The following TRPC6 variants were observed in gnomAD, a reference collection of about 807,000 sequenced individuals.
The protein encoded by TRPC6 is short transient receptor potential channel 6.
TRPC6 carries 55 observed loss-of-function variants against 90.7 expected under a neutral mutation model. The observed-to-expected ratio is 0.61, with a 90% CI of 0.49 to 0.76. TRPC6 has a LOEUF of 0.76. Ranked by LOEUF, TRPC6 falls within the 30% of genes least tolerant of loss-of-function variation. The pLI, the probability that TRPC6 is intolerant of heterozygous loss-of-function variation, is 0.00. For missense variants in TRPC6, 989 were observed against 1,122.7 expected (o/e 0.88, Z 1.70); for synonymous variants, 393 against 393.0 (o/e 1.00, Z 0.00).
intron 2 of TRPC6, among the ~76,000 whole-genome samples, chr11:101,496,169 C>A (rs1186998479): frequency 1.3e-5 from 2 of 152,116 alleles, no homozygotes; most frequent in African/African-American, 4.8e-5. Context: ...AGCATGAGAA[C>A]AGCAAGAGGA....
chr11:101,537,949 C>A (rs1861090538), intron 1 of TRPC6, among the ~76,000 whole-genome samples: 1 of 152,108 alleles, frequency 6.6e-6, no homozygotes, highest in Admixed American at 6.5e-5. Flanking sequence ...TAAGCGTATA[C>A]ATATTTTTAG....
At chr11:101,490,277 T>C (rs1236787493) in intron 3 of TRPC6, among the ~76,000 whole-genome samples, 1 of 152,226 alleles carries the variant, frequency 6.6e-6, no homozygotes, top group Non-Finnish European at 1.5e-5. Flanking sequence ...ATTTATTGAC[T>C]GTTATATAAA....
chr11:101,496,288 A>T (rs1302849243), intron 2 of TRPC6, among the ~76,000 whole-genome samples: 2 of 152,152 alleles, frequency 1.3e-5, no homozygotes, highest in Non-Finnish European at 2.9e-5. Context: ...AAAGTGTATT[A>T]TACTATGATA....
At chr11:101,497,000 T>C (rs1859965010) in intron 2 of TRPC6, among the ~76,000 whole-genome samples, 2 of 152,216 alleles carry the variant, frequency 1.3e-5, no homozygotes, top group African/African-American at 2.4e-5. Context: ...CTTTGAATCC[T>C]CCCAACCTAG....
intron 9 of TRPC6, among the ~76,000 whole-genome samples, chr11:101,469,992 T>C (rs1250025556): frequency 6.6e-6 from 1 of 152,192 alleles, no homozygotes; most frequent in Non-Finnish European, 1.5e-5. Flanking sequence ...GCACCCTAAA[T>C]AGTAAATGGG....
intron 1 of TRPC6, among the ~76,000 whole-genome samples, chr11:101,514,829 CTG>C (rs1331360900): frequency 6.6e-6 from 1 of 152,152 alleles, no homozygotes; most frequent in Non-Finnish European, 1.5e-5. Context: ...TTGAGAATAA[CTG>C]TGGACAAATT....
chr11:101,509,136 C>CT (rs1393768669), intron 1 of TRPC6, among the ~76,000 whole-genome samples: 34 of 47,810 alleles, frequency 7.1e-4, no homozygotes, highest in Admixed American at 2.6e-3. Flanking sequence ...TTGTCTTTTT[C>CT]TTTTTTTTTT....
chr11:101,566,973 G>A (rs908671631), intron 1 of TRPC6, among the ~76,000 whole-genome samples: 13 of 151,884 alleles, frequency 8.6e-5, no homozygotes, highest in Non-Finnish European at 1.8e-4. Context: ...AGCTAGCCAC[G>A]GGAGTTTTTT....
At chr11:101,464,605 G>T (rs1268151453) in intron 10 of TRPC6, among the ~76,000 whole-genome samples, 3 of 152,058 alleles carry the variant, frequency 2.0e-5, no homozygotes, top group Non-Finnish European at 4.4e-5. Context: ...GACTAGGATT[G>T]CAACACCTGC....
At chr11:101,541,464 C>T (rs746401821) in intron 1 of TRPC6, among the ~76,000 whole-genome samples, 4 of 152,192 alleles carry the variant, frequency 2.6e-5, no homozygotes, top group Non-Finnish European at 4.4e-5. Context: ...CGGTTTCAAG[C>T]GATTCTCCTG....
chr11:101,475,865 T>C lies in TRPC6; in HGVS notation c.1744+436A>G, dbSNP rs1023346265. Among the ~76,000 whole-genome samples, 41 of 147,382 alleles carry C rather than the reference T, an allele frequency of 2.8e-4. 1 individual carries two copies. The highest frequency in any genetic ancestry group is 2.1e-4 in the South Asian group (1 of 4,748). ...GCACATATATATACACACACACACA[T>C]GTGTGTACATATACATATATACACG... On this transcript the variant is annotated intron_variant, in intron 6 of 12. Transcript: ENST00000344327.
rs1263012763 is a variant in TRPC6, at chr11:101,452,607, A to G, written c.*348T>C. On this transcript the variant is annotated 3_prime_UTR_variant, in exon 13 of 13. Transcript: ENST00000344327. ...AAATAAACTTCAGAGGAAAAACCGC[A>G]TGGGGAGTAACGTGGGTCAGCCCCT... 1 of 236,322 alleles carries G rather than the reference A, an allele frequency of 4.2e-6. No homozygotes were observed. The highest frequency in any genetic ancestry group is 8.4e-6 in the Non-Finnish European group (1 of 119,680). The allele number at this position is 236,322 out of a possible 1,614,324, so 14.6% of individuals were successfully genotyped here. A position where few individuals can be genotyped will look rare whatever the true frequency, so the allele number is the denominator to read the frequency against.
At chr11:101,552,711 C>G (rs918095692) in intron 1 of TRPC6, among the ~76,000 whole-genome samples, 1 of 152,070 alleles carries the variant, frequency 6.6e-6, no homozygotes, top group Non-Finnish European at 1.5e-5. Context: ...ATAAATGTCT[C>G]AAACTCTGCA....
intron 1 of TRPC6, among the ~76,000 whole-genome samples, chr11:101,581,778 G>A (rs1038470608): frequency 6.6e-6 from 1 of 152,026 alleles, no homozygotes; most frequent in African/African-American, 2.4e-5. Flanking sequence ...GGTGGTCCAC[G>A]GACTAGCAAC....
chr11:101,536,965 T>C lies in TRPC6; in HGVS notation c.171-32167A>G, dbSNP rs1861063475. On this transcript the variant is annotated intron_variant, in intron 1 of 12. Coordinates refer to ENST00000344327, the MANE Select transcript of TRPC6 (RefSeq NM_004621.6). ...GAAAGGGGTTGATGAATTTGAGAAA[T>C]CTTGGAAAGGTAGAATTGATAGGAT... Among the ~76,000 whole-genome samples, 3 of 152,118 alleles carry C rather than the reference T, an allele frequency of 2.0e-5. No individual in the cohort carries two copies. The South Asian group carries it at 6.2e-4, about 31-fold the overall frequency.
chr11:101,555,296 C>T (rs1861538081), intron 1 of TRPC6, among the ~76,000 whole-genome samples: 1 of 152,232 alleles, frequency 6.6e-6, no homozygotes, highest in Non-Finnish European at 1.5e-5. Context: ...GTTCCAAAGG[C>T]TGTACCTTTC....
At chr11:101,548,959 G>T (rs1345963338) in intron 1 of TRPC6, among the ~76,000 whole-genome samples, 1 of 151,684 alleles carries the variant, frequency 6.6e-6, no homozygotes, top group Admixed American at 6.6e-5. Flanking sequence ...AACTCTGGGG[G>T]TAGTACCAAG....
At chr11:101,534,819 T>A (rs1860998022) in intron 1 of TRPC6, among the ~76,000 whole-genome samples, 1 of 152,124 alleles carries the variant, frequency 6.6e-6, no homozygotes, top group Non-Finnish European at 1.5e-5. Flanking sequence ...TTTCTACGTA[T>A]CAGAAACGTA....
At chr11:101,497,790 G>C (rs1028718422) in intron 2 of TRPC6, among the ~76,000 whole-genome samples, 5 of 151,952 alleles carry the variant, frequency 3.3e-5, no homozygotes, top group Admixed American at 3.3e-4. Context: ...TGCTGCACCT[G>C]TCCACCTGTC....
Sources: gnomAD v4.1 joint callset for allele counts (sites outside exome capture counted in the v4.1 genomes callset) on GRCh38, gnomAD v4.1.1 for gene constraint, MANE v1.5 for transcripts, NCBI Gene and HGNC (gene_info 2026-07-23, HGNC 2026-07-21) for gene names.